C3orf33: variants seen among roughly 807,000 people sequenced by gnomAD.
The protein encoded by C3orf33 is mitochondrial inner membrane subdomain organizer 1.
In C3orf33, 23 loss-of-function variants were observed where a neutral mutation model predicts 28.7. That is an observed-to-expected ratio of 0.80 (90% confidence interval 0.58 to 1.13). The LOEUF (loss-of-function observed/expected upper bound fraction) is 1.13, where lower values mean the gene tolerates loss of function less well. Ranked by LOEUF, C3orf33 falls within the 50% of genes most tolerant of loss-of-function variation. The pLI is 0.00. For missense variants in C3orf33, 327 were observed against 353.4 expected, an observed-to-expected ratio of 0.93 and a Z score of 0.60; for synonymous variants, 119 against 120.5, an observed-to-expected ratio of 0.99 and a Z score of 0.08.
intron 3 of C3orf33, among the ~76,000 whole-genome samples, chr3:155,769,850 G>A (rs1054602238): frequency 1.3e-5 from 2 of 152,174 alleles, no homozygotes; most frequent in African/African-American, 4.8e-5. Flanking sequence ...CCATGGAGTG[G>A]ATAGAGAGCC....
At chr3:155,776,223 A>C (rs1285956368) in intron 2 of C3orf33, among the ~76,000 whole-genome samples, 2 of 152,216 alleles carry the variant, frequency 1.3e-5, no homozygotes, top group Admixed American at 6.5e-5. Context: ...ATTCATGCAT[A>C]TACTGACGGG....
chr3:155,767,537 G>A lies in C3orf33; in HGVS notation c.455C>T (p.Ala152Val). 2 of 1,584,322 alleles carry A rather than the reference G, an allele frequency of 1.3e-6. No individual in the cohort carries two copies. Among genetic ancestry groups the A allele is most frequent in the Non-Finnish European group, 8.6e-7 (1 of 1,161,980 alleles). ...WFQLLGKENS[A>V]LFCYLLVSKG... ...ACTCACCAGAAGATAGCAAAAGAGT[G>A]CTGAATTCTCCTTTCCAAGAAGTTG... Residue 152 changes from alanine to valine, a missense_variant, in exon 4 of 5, where the codon GCA becomes GTA. Transcript: ENST00000340171.
intron 2 of C3orf33, among the ~76,000 whole-genome samples, chr3:155,792,887 A>G (rs1414730821): frequency 6.6e-6 from 1 of 152,166 alleles, no homozygotes. Flanking sequence ...AAAAAGAGGC[A>G]GAGAGATAGG....
intron 2 of C3orf33, among the ~76,000 whole-genome samples, chr3:155,790,238 A>T (rs1361269602): frequency 6.6e-6 from 1 of 151,398 alleles, no homozygotes; most frequent in African/African-American, 2.4e-5. Context: ...AAAAAAAAAA[A>T]AAAGGTCAGG....
At chr3:155,779,782 T>C (rs17349784) in intron 2 of C3orf33, among the ~76,000 whole-genome samples, 56,212 of 152,086 alleles carry the variant, frequency 0.37, 11,733 homozygotes, top group Middle Eastern at 0.51. Flanking sequence ...TGCATCCTTT[T>C]TAATTCTGGT....
Position 155,763,294 on chromosome 3 carries a change from T to A in C3orf33, c.*223A>T, listed in dbSNP as rs900928773. 5 of 353,918 alleles carry A rather than the reference T, an allele frequency of 1.4e-5. No individual in the cohort carries two copies. Among genetic ancestry groups the A allele is most frequent in the African/African-American group, 1.1e-4 (5 of 47,494 alleles). 21.9% of individuals were successfully genotyped at this position (353,918 alleles called of 1,614,324 possible). On this transcript the variant is annotated 3_prime_UTR_variant, in exon 5 of 5. Coordinates refer to ENST00000340171, the MANE Select transcript of C3orf33 (RefSeq NM_001308229.2). ...AATCATTCAGCCTGGTAACTTCTCA[T>A]AAAGTGTTTCATCCTTCCTAAAATC...
intron 3 of C3orf33, among the ~76,000 whole-genome samples, chr3:155,771,228 C>T (rs1387293104): frequency 3.9e-5 from 6 of 152,046 alleles, no homozygotes; most frequent in African/African-American, 7.2e-5. Context: ...ATATCAGCCT[C>T]GCAAGTAACC....
chr3:155,806,247 C>T lies in C3orf33; in HGVS notation c.6G>A (p.Ala2=), dbSNP rs1020276681. The T allele has an allele frequency of 6.8e-7, 1 of 1,471,478 alleles. No homozygotes were observed. The allele number at this position is 1,471,478 out of a possible 1,614,324, so 91.2% of individuals were successfully genotyped here. A position where few individuals can be genotyped will look rare whatever the true frequency, so the allele number is the denominator to read the frequency against. The part of the protein sequence containing the change: M[A]GQPAATGSPS... ...GCGAGCCGGTGGCCGCGGGCTGCCCCGCCATGTTCCCGGCCTCCTGCGAGC... is the reference window on the plus strand; with the variant it reads ...GCGAGCCGGTGGCCGCGGGCTGCCCTGCCATGTTCCCGGCCTCCTGCGAGC... The change falls in exon 1 of 5, where the codon GCG becomes GCA. Residue 2 remains alanine, a synonymous_variant. Transcript: ENST00000340171.
intron 3 of C3orf33, among the ~76,000 whole-genome samples, chr3:155,772,770 C>T (rs1446725952): frequency 2.4e-5 from 2 of 84,382 alleles, no homozygotes; most frequent in South Asian, 7.2e-4. Context: ...AATTTTTAGG[C>T]TCTGTGTGTG....
chr3:155,771,033 G>A (rs1223018802), intron 3 of C3orf33, among the ~76,000 whole-genome samples: 1 of 149,692 alleles, frequency 6.7e-6, no homozygotes. Flanking sequence ...GTGTGTGTGT[G>A]TGTGTGTGTG....
chr3:155,805,813 T>A (rs1182904911), intron 1 of C3orf33: 4 of 494,448 alleles, frequency 8.1e-6, no homozygotes, highest in Non-Finnish European at 1.5e-5. Context: ...GTCTCCTCTC[T>A]GGGCCCTCCC....
intron 2 of C3orf33, among the ~76,000 whole-genome samples, chr3:155,795,063 T>G (rs1384260387): frequency 2.0e-5 from 3 of 152,228 alleles, no homozygotes; most frequent in Non-Finnish European, 4.4e-5. Flanking sequence ...AGGATATTCA[T>G]AGAACATTTC....
chr3:155,806,150 G>A lies in C3orf33; in HGVS notation c.103C>T (p.Arg35Cys), dbSNP rs1751804286. ...RISQWADDHL[R>C]LVRNISTGMA... ...CGTGGCCCCAGTACCCGGACTAGGCGCAGGTGGTCGTCTGCCCACTGCGAG... is the reference window on the plus strand; with the variant it reads ...CGTGGCCCCAGTACCCGGACTAGGCACAGGTGGTCGTCTGCCCACTGCGAG... The change falls in exon 1 of 5, where the codon CGC becomes TGC. Residue 35 changes from arginine (R) to cysteine (C), a missense_variant. Transcript: ENST00000340171. 13 of 1,468,168 alleles carry A rather than the reference G, an allele frequency of 8.9e-6. No individual in the cohort carries two copies. The highest frequency in any genetic ancestry group is 1.8e-4 in the Middle Eastern group (1 of 5,630). The allele number at this position is 1,468,168 out of a possible 1,614,324, so 90.9% of individuals were successfully genotyped here.
intron 2 of C3orf33, among the ~76,000 whole-genome samples, chr3:155,781,948 T>C (rs1750937728): frequency 6.6e-6 from 1 of 151,270 alleles, no homozygotes. Flanking sequence ...TGGTGGCATG[T>C]GCTTGTAGTC....
At chr3:155,791,671 A>G (rs1017898540) in intron 2 of C3orf33, among the ~76,000 whole-genome samples, 1 of 151,912 alleles carries the variant, frequency 6.6e-6, no homozygotes, top group African/African-American at 2.4e-5. Flanking sequence ...CCTTGAATGA[A>G]TATCAGTGGT....
chr3:155,791,196 A>G lies in C3orf33; in HGVS notation c.174+11336T>C, dbSNP rs1751304192. On this transcript the variant is annotated intron_variant, in intron 2 of 4. Transcript: ENST00000340171. ...TCCCATTTCAGGCCCTAGCTCATAGATGACATTTCTAGATACACCCTGGGC... is the reference window on the plus strand; with the variant it reads ...TCCCATTTCAGGCCCTAGCTCATAGGTGACATTTCTAGATACACCCTGGGC... Among the ~76,000 whole-genome samples, 6 of 152,174 alleles carry G rather than the reference A, an allele frequency of 3.9e-5. No individual in the cohort carries two copies. In the South Asian group the frequency reaches 1.2e-3, roughly 32 times the overall value.
intron 2 of C3orf33, among the ~76,000 whole-genome samples, chr3:155,776,455 T>G (rs1005446252): frequency 4.6e-5 from 7 of 152,154 alleles, no homozygotes; most frequent in Admixed American, 1.3e-4. Flanking sequence ...ACCATAAGCT[T>G]TGTTCATAAT....
At chr3:155,786,086 G>A (rs140432810) in intron 2 of C3orf33, among the ~76,000 whole-genome samples, 1 of 151,130 alleles carries the variant, frequency 6.6e-6, no homozygotes, top group Non-Finnish European at 1.5e-5. Flanking sequence ...AGGAAAAAGG[G>A]AAGGAAAGGA....
At chr3:155,769,760 G>A (rs752676143) in intron 3 of C3orf33, among the ~76,000 whole-genome samples, 3 of 152,122 alleles carry the variant, frequency 2.0e-5, no homozygotes, top group Non-Finnish European at 4.4e-5. Flanking sequence ...GGAAAATAGG[G>A]GCAGGTGCCC....
Sources: allele counts gnomAD v4.1 joint callset (sites outside exome capture counted in the v4.1 genomes callset), GRCh38; gene constraint gnomAD v4.1.1; transcripts MANE v1.5; gene names NCBI Gene and HGNC (gene_info 2026-07-23, HGNC 2026-07-21).